CCSER1: variants seen among roughly 807,000 people sequenced by gnomAD.
CCSER1 encodes the protein coiled-coil serine rich protein 1, also known as serine-rich coiled-coil domain-containing protein 1.
A neutral mutation model predicts 82.0 loss-of-function variants in CCSER1; 41 were observed. That is an observed-to-expected ratio of 0.50 (90% CI 0.39 to 0.65). The LOEUF is 0.65. CCSER1 is among the 30% of genes least tolerant of loss of function. The probability of loss-of-function intolerance (pLI) is 0.00; values close to 1 mark genes in which losing one functional copy is unlikely to be tolerated. For missense variants in CCSER1, 1,119 were observed against 1,064.2 expected, an observed-to-expected ratio of 1.05 and a Z score of -0.72; for synonymous variants, 414 against 383.9, an observed-to-expected ratio of 1.08 and a Z score of -0.92.
At chr4:91,032,984 CA>C (rs1200686481) in intron 9 of CCSER1, among the ~76,000 whole-genome samples, 1 of 151,972 alleles carries the variant, frequency 6.6e-6, no homozygotes, top group East Asian at 1.9e-4. Context: ...ATTTAGCTTT[CA>C]TTTTTTAGCA....
intron 8 of CCSER1, among the ~76,000 whole-genome samples, chr4:90,835,113 C>T (rs1489060719): frequency 1.3e-5 from 2 of 152,124 alleles, no homozygotes; most frequent in Non-Finnish European, 2.9e-5. Flanking sequence ...GGATGGATCA[C>T]GAGGTCAGCA....
chr4:90,929,304 A>G (rs1729442951), intron 9 of CCSER1, among the ~76,000 whole-genome samples: 1 of 152,156 alleles, frequency 6.6e-6, no homozygotes, highest in Non-Finnish European at 1.5e-5. Flanking sequence ...GCATTGTTTC[A>G]TTCACAAAAC....
chr4:91,177,757 A>C (rs1733553624), intron 10 of CCSER1, among the ~76,000 whole-genome samples: 1 of 152,084 alleles, frequency 6.6e-6, no homozygotes, highest in South Asian at 2.1e-4. Flanking sequence ...TGATCTTTTC[A>C]AAAAACAATC....
At chr4:90,595,426 T>G (rs1560779969) in intron 5 of CCSER1, among the ~76,000 whole-genome samples, 2 of 152,118 alleles carry the variant, frequency 1.3e-5, no homozygotes, top group African/African-American at 2.4e-5. Context: ...TATAAAAAAT[T>G]TATTCTAAAC....
At chr4:90,959,652 A>G (rs899318575) in intron 9 of CCSER1, among the ~76,000 whole-genome samples, 1 of 152,078 alleles carries the variant, frequency 6.6e-6, no homozygotes, top group Non-Finnish European at 1.5e-5. Context: ...TGTGCCAAAG[A>G]TAAATTTGAC....
At chr4:91,323,896 G>A (rs1338837850) in intron 10 of CCSER1, among the ~76,000 whole-genome samples, 1 of 152,112 alleles carries the variant, frequency 6.6e-6, no homozygotes, top group East Asian at 1.9e-4. Context: ...TTCTGTTTCT[G>A]CATCTCTGAA....
chr4:90,894,703 C>T (rs1444231316), intron 8 of CCSER1, among the ~76,000 whole-genome samples: 1 of 151,838 alleles, frequency 6.6e-6, no homozygotes, highest in African/African-American at 2.4e-5. Flanking sequence ...TCTCTTCTTC[C>T]TCCATTATCA....
intron 9 of CCSER1, among the ~76,000 whole-genome samples, chr4:91,045,563 A>G (rs1011258394): frequency 1.3e-5 from 2 of 152,220 alleles, no homozygotes; most frequent in African/African-American, 2.4e-5. Context: ...AAAAATCTGC[A>G]TGACATAAAA....
In CCSER1 at chr4:91,531,609, C is replaced by G. The variant is rs890578823; in HGVS notation, c.2218-66963C>G. The stretch of plus-strand genomic sequence containing the variant: ...CATTCCTGCTGCTATAACACAATGC[C>G]TTAGACTGGGTAATTTAAAAGCAGT... On this transcript the variant is annotated intron_variant, in intron 10 of 10. Transcript: ENST00000509176. Among the ~76,000 whole-genome samples the G allele has an allele frequency of 2.0e-5, 3 of 152,236 alleles. No homozygotes were observed. In the South Asian group the frequency reaches 6.2e-4, roughly 32 times the overall value.
chr4:91,514,437 T>C (rs1392825511), intron 10 of CCSER1, among the ~76,000 whole-genome samples: 1 of 152,182 alleles, frequency 6.6e-6, no homozygotes, highest in Non-Finnish European at 1.5e-5. Flanking sequence ...CTGTGATTGA[T>C]ATGAGAAGTA....
chr4:91,296,489 TAATTA>T (rs1744194150), intron 10 of CCSER1, among the ~76,000 whole-genome samples: 1 of 109,734 alleles, frequency 9.1e-6, no homozygotes, highest in Admixed American at 8.4e-5. Context: ...ATATATATTT[TAATTA>T]AATATACAGT....
intron 3 of CCSER1, among the ~76,000 whole-genome samples, chr4:90,349,188 A>T (rs1742970026): frequency 6.6e-6 from 1 of 152,168 alleles, no homozygotes; most frequent in African/African-American, 2.4e-5. Flanking sequence ...TTCTAGTTTT[A>T]GGTTATCACT....
intron 8 of CCSER1, among the ~76,000 whole-genome samples, chr4:90,818,380 C>T (rs968135479): frequency 2.0e-5 from 3 of 150,988 alleles, no homozygotes; most frequent in African/African-American, 4.9e-5. Flanking sequence ...TGGGTTCAAG[C>T]GATTCTCTTG....
intron 1 of CCSER1, among the ~76,000 whole-genome samples, chr4:90,273,118 C>A (rs1462200409): frequency 6.6e-6 from 1 of 152,032 alleles, no homozygotes; most frequent in East Asian, 1.9e-4. Flanking sequence ...CACAGAAAGA[C>A]AAACTTTGCA....
intron 10 of CCSER1, among the ~76,000 whole-genome samples, chr4:91,425,511 G>A (rs1438388546): frequency 9.2e-5 from 14 of 152,066 alleles, no homozygotes; most frequent in Non-Finnish European, 1.6e-4. Flanking sequence ...ACAAAGTCTT[G>A]TAATTAAATA....
intron 10 of CCSER1, among the ~76,000 whole-genome samples, chr4:91,274,191 A>G (rs1477851375): frequency 6.6e-6 from 1 of 151,948 alleles, no homozygotes; most frequent in East Asian, 1.9e-4. Flanking sequence ...AATTTTTTTT[A>G]TTTTTATTGA....
At chr4:91,381,933 C>A (rs1246518399) in intron 10 of CCSER1, among the ~76,000 whole-genome samples, 1 of 150,530 alleles carries the variant, frequency 6.6e-6, no homozygotes, top group African/African-American at 2.4e-5. Context: ...TGTAGATGTC[C>A]TTTCTGTTTC....
At chr4:90,928,959 A>G (rs893440160) in intron 9 of CCSER1, among the ~76,000 whole-genome samples, 3 of 152,140 alleles carry the variant, frequency 2.0e-5, no homozygotes, top group Non-Finnish European at 2.9e-5. Flanking sequence ...CGCAACTTCT[A>G]TATCATATTC....
chr4:91,204,466 C>T (rs1581766239), intron 10 of CCSER1, among the ~76,000 whole-genome samples: 1 of 151,798 alleles, frequency 6.6e-6, no homozygotes, highest in East Asian at 1.9e-4. Flanking sequence ...TCCCACCCCC[C>T]AAAATATGTA....
Sources: gnomAD v4.1 joint callset for allele counts (sites outside exome capture counted in the v4.1 genomes callset) on GRCh38, gnomAD v4.1.1 for gene constraint, MANE v1.5 for transcripts, NCBI Gene and HGNC (gene_info 2026-07-23, HGNC 2026-07-21) for gene names.